PITPNC1: variants seen among roughly 807,000 people sequenced by gnomAD.
PITPNC1 encodes the protein phosphatidylinositol transfer protein cytoplasmic 1, also known as cytoplasmic phosphatidylinositol transfer protein 1.
Under a neutral mutation model 44.7 loss-of-function variants are expected in PITPNC1, and 18 were observed. The ratio of observed to expected loss-of-function variants is 0.40; its 90% CI spans 0.28 to 0.60. The LOEUF is 0.60. Among genes scored for constraint, PITPNC1 ranks in the 20% least tolerant of loss-of-function variants. The probability of loss-of-function intolerance (pLI) is 0.39; values close to 1 mark genes in which losing one functional copy is unlikely to be tolerated. For synonymous variants in PITPNC1, 141 were observed against 149.6 expected (o/e 0.94, Z 0.42); for missense variants, 290 against 418.4 (o/e 0.69, Z 2.68).
chr17:67,627,228 G>C (rs1056302579), intron 5 of PITPNC1, among the ~76,000 whole-genome samples: 1 of 152,204 alleles, frequency 6.6e-6, no homozygotes, highest in Admixed American at 6.5e-5. Context: ...ACTCCAGCCC[G>C]GGGGACAAGA....
intron 5 of PITPNC1, among the ~76,000 whole-genome samples, chr17:67,599,246 G>T (rs749359977): frequency 2.3e-4 from 35 of 151,482 alleles, no homozygotes; most frequent in Non-Finnish European, 4.9e-4. Context: ...TGAGGTTGAT[G>T]AATTCAGTTT....
At chr17:67,388,779 C>T (rs1433894763) in intron 1 of PITPNC1, among the ~76,000 whole-genome samples, 1 of 152,096 alleles carries the variant, frequency 6.6e-6, no homozygotes, top group Non-Finnish European at 1.5e-5. Flanking sequence ...CACCACCACA[C>T]CTGGCTGGTC....
rs551823916 is a variant in PITPNC1 at position 67,548,115 on chromosome 17, A to C, written c.198-4142A>C. Among the ~76,000 whole-genome samples the C allele has an allele frequency of 1.9e-3, 286 of 152,268 alleles. 1 individual carries two copies. The highest frequency in any genetic ancestry group is 3.2e-3 in the Non-Finnish European group (218 of 68,002). On this transcript the variant is annotated intron_variant, in intron 2 of 8. Coordinates refer to ENST00000581322, the MANE Select transcript of PITPNC1 (RefSeq NM_012417.4). ...TGCCAGGTGTCTCCTGCAGGAGGCA[A>C]AATCTCCCTCTAGTGAGAACTCCTG...
At chr17:67,464,469 A>G (rs2039394220) in intron 1 of PITPNC1, among the ~76,000 whole-genome samples, 1 of 152,126 alleles carries the variant, frequency 6.6e-6, no homozygotes, top group East Asian at 1.9e-4. Flanking sequence ...TGATTAATTC[A>G]TTGGTTTTCA....
At chr17:67,618,132 G>T (rs745449794) in intron 5 of PITPNC1, among the ~76,000 whole-genome samples, 2 of 152,068 alleles carry the variant, frequency 1.3e-5, no homozygotes, top group Admixed American at 6.6e-5. Context: ...AGACCAAGGC[G>T]GGGGGTGGAT....
intron 6 of PITPNC1, among the ~76,000 whole-genome samples, chr17:67,660,139 C>T (rs964250451): frequency 1.3e-5 from 2 of 152,224 alleles, no homozygotes; most frequent in African/African-American, 2.4e-5. Context: ...GCCTAGACCT[C>T]GCAAAAGTGC....
At chr17:67,485,151 A>G (rs2039759783) in intron 1 of PITPNC1, among the ~76,000 whole-genome samples, 2 of 151,704 alleles carry the variant, frequency 1.3e-5, no homozygotes, top group Admixed American at 6.6e-5. Context: ...ACTCTTAACC[A>G]CTTGGCTAAA....
chr17:67,442,204 C>CATATATATATATATAT (rs10526037), intron 1 of PITPNC1, among the ~76,000 whole-genome samples: 5 of 54,244 alleles, frequency 9.2e-5, no homozygotes, highest in African/African-American at 1.5e-4. Context: ...GGAAAATAAG[C>CATATATATATATATAT]ATATATATAT....
intron 1 of PITPNC1, among the ~76,000 whole-genome samples, chr17:67,416,228 T>A (rs558385831): frequency 4.9e-3 from 677 of 139,340 alleles, no homozygotes; most frequent in Middle Eastern, 0.011. Flanking sequence ...TTTTTTTTTT[T>A]AGACAGAGTC....
At chr17:67,599,034 A>ATATATATTTTT (rs1461493250) in intron 5 of PITPNC1, among the ~76,000 whole-genome samples, 1 of 35,676 alleles carries the variant, frequency 2.8e-5, no homozygotes, top group Non-Finnish European at 4.9e-5. Context: ...ATATATATAT[A>ATATATATTTTT]TTTTTTTTTT....
At chr17:67,425,848 G>T (rs1450396458) in intron 1 of PITPNC1, among the ~76,000 whole-genome samples, 1 of 152,186 alleles carries the variant, frequency 6.6e-6, no homozygotes, top group Non-Finnish European at 1.5e-5. Flanking sequence ...TTCTTAAAAG[G>T]CCAGAAAGTA....
intron 1 of PITPNC1, among the ~76,000 whole-genome samples, chr17:67,425,209 A>G (rs144921804): frequency 0.29 from 8,866 of 30,338 alleles, 1,009 homozygotes; most frequent in African/African-American, 0.37. Context: ...ACACGCACAC[A>G]CACACACACA....
chr17:67,402,853 G>C (rs943786089), intron 1 of PITPNC1, among the ~76,000 whole-genome samples: 1 of 152,064 alleles, frequency 6.6e-6, no homozygotes, highest in Non-Finnish European at 1.5e-5. Context: ...TTTTAGTAGA[G>C]ACAGAGTTTC....
In PITPNC1 at chr17:67,668,230, C is replaced by T. The variant is rs80016902; in HGVS notation, c.463-1278C>T. On this transcript the variant is annotated intron_variant, in intron 6 of 8. Transcript: ENST00000581322. ...TTCTTGAACTTCAATTTGAATCATA[C>T]AATGTATATGCTATTGCATTTGGCT... Among the ~76,000 whole-genome samples the T allele has an allele frequency of 4.5e-4, 69 of 152,286 alleles. No individual in the cohort carries two copies. In the East Asian group the frequency reaches 0.01, roughly 23 times the overall value.
chr17:67,379,215 T>TC, intron 1 of PITPNC1: 1 of 985,840 alleles, frequency 1.0e-6, no homozygotes, highest in East Asian at 1.1e-4. Flanking sequence ...ACACATGAAA[T>TC]CAGCCACCCA....
At position 67,378,140 on chromosome 17, in the gene PITPNC1, G is replaced by A. The variant is rs1223570102; in HGVS notation, c.-15G>A. 2 of 1,530,002 alleles carry A rather than the reference G, an allele frequency of 1.3e-6. No homozygotes were observed. Among genetic ancestry groups the A allele is most frequent in the East Asian group, 2.7e-5 (1 of 36,898 alleles). 94.8% of individuals were successfully genotyped at this position (1,530,002 alleles called of 1,614,324 possible). ...CCCCCGCTTCCCGCCCCGGGGGTCC[G>A]CGGCCGGCAGGACCATGCTGCTGAA... On this transcript the variant is annotated 5_prime_UTR_variant, in exon 1 of 9. Coordinates refer to ENST00000581322, the MANE Select transcript of PITPNC1 (RefSeq NM_012417.4).
chr17:67,604,109 AG>A (rs1223876618), intron 5 of PITPNC1, among the ~76,000 whole-genome samples: 1 of 152,242 alleles, frequency 6.6e-6, no homozygotes, highest in African/African-American at 2.4e-5. Context: ...ATATTCTGAA[AG>A]GAATTATCGT....
rs959369248 is a variant in PITPNC1 at position 67,636,271 on chromosome 17, G to T, written c.462+4033G>T. Among the ~76,000 whole-genome samples the T allele has an allele frequency of 4.0e-5, 5 of 126,092 alleles. No homozygotes were observed. In the South Asian group the frequency reaches 8.0e-4, roughly 20 times the overall value. The allele number at this position is 126,092 out of a possible 152,430, so 82.7% of individuals were successfully genotyped here. On this transcript the variant is annotated intron_variant, in intron 6 of 8. Transcript: ENST00000581322. ...CACTCCAGCCCAGGCGACAGTGCGA[G>T]ACTCCGTTTCAAAAAAAAAAAAAAA...
chr17:67,438,347 C>T (rs952283743), intron 1 of PITPNC1, among the ~76,000 whole-genome samples: 4 of 147,572 alleles, frequency 2.7e-5, no homozygotes, highest in South Asian at 2.2e-4. Flanking sequence ...GACAGAGTCT[C>T]GCTCTATCGC....
Sources: gnomAD v4.1 joint callset for allele counts (sites outside exome capture counted in the v4.1 genomes callset) on GRCh38, gnomAD v4.1.1 for gene constraint, MANE v1.5 for transcripts, NCBI Gene and HGNC (gene_info 2026-07-23, HGNC 2026-07-21) for gene names.